Variants in FAP observed in about 807,000 individuals in gnomAD.
FAP encodes prolyl endopeptidase FAP.
FAP carries 110 observed loss-of-function variants against 126.5 expected under a neutral mutation model. The observed-to-expected ratio is 0.87, with a 90% CI of 0.74 to 1.02. The LOEUF (loss-of-function observed/expected upper bound fraction) is 1.02, where lower values mean the gene tolerates loss of function less well. Among genes scored for constraint, FAP ranks in the 50% least tolerant of loss-of-function variants. The pLI, the probability that FAP is intolerant of heterozygous loss-of-function variation, is 0.00. For synonymous variants in FAP, 334 were observed against 297.3 expected (o/e 1.12, Z -1.27); for missense variants, 919 against 909.2 (o/e 1.01, Z -0.14).
intron 2 of FAP, among the ~76,000 whole-genome samples, chr2:162,226,987 G>A (rs1559791911): frequency 6.6e-6 from 1 of 152,140 alleles, no homozygotes; most frequent in Non-Finnish European, 1.5e-5. Context: ...AACAACTCTA[G>A]TCCTTGCAGA....
In FAP at chr2:162,188,176, C is replaced by T; in HGVS notation, c.1807G>A (p.Ala603Thr). ...GAATGAGAAGGTGCTCACCTGACAGCTGTAATCTGGTCTTCAACTTCATAA... is the reference window on the plus strand; with the variant it reads ...GAATGAGAAGGTGCTCACCTGACAGTTGTAATCTGGTCTTCAACTTCATAA... ...GVYEVEDQITAVRKFIEMGFI... is the reference protein window; with the variant it reads ...GVYEVEDQITTVRKFIEMGFI... Residue 603 changes from alanine (A) to threonine (T), a missense_variant, in exon 20 of 26, where the codon GCT becomes ACT. By Grantham distance (58) the Ala-to-Thr change is moderately conservative. Coordinates refer to ENST00000188790, the MANE Select transcript of FAP (RefSeq NM_004460.5). The T allele has an allele frequency of 6.2e-7, 1 of 1,612,574 alleles. No individual in the cohort carries two copies. Among genetic ancestry groups the T allele is most frequent in the Non-Finnish European group, 8.5e-7 (1 of 1,178,936 alleles).
At chr2:162,210,638 A>G (rs1688894288) in intron 11 of FAP, among the ~76,000 whole-genome samples, 1 of 152,166 alleles carries the variant, frequency 6.6e-6, no homozygotes, top group African/African-American at 2.4e-5. Context: ...GAGAAACTTT[A>G]TGGCACCCTA....
chr2:162,242,661 C>T (rs987271133), intron 2 of FAP, among the ~76,000 whole-genome samples: 1 of 152,066 alleles, frequency 6.6e-6, no homozygotes, highest in Non-Finnish European at 1.5e-5. Flanking sequence ...GGGGGTGATG[C>T]AGCATAGTTC....
At chr2:162,237,482 T>C (rs1400548443) in intron 2 of FAP, among the ~76,000 whole-genome samples, 1 of 152,200 alleles carries the variant, frequency 6.6e-6, no homozygotes, top group Non-Finnish European at 1.5e-5. Flanking sequence ...CGGTTTTCTG[T>C]TTCTGTGTTA....
intron 14 of FAP, among the ~76,000 whole-genome samples, chr2:162,202,606 C>A (rs756724049): frequency 6.6e-6 from 1 of 152,104 alleles, no homozygotes; most frequent in East Asian, 1.9e-4. Context: ...GCCTTTAGAA[C>A]GAGTTATTAT....
At chr2:162,234,902 G>A (rs768403953) in intron 2 of FAP, among the ~76,000 whole-genome samples, 3 of 152,130 alleles carry the variant, frequency 2.0e-5, no homozygotes, top group African/African-American at 4.8e-5. Flanking sequence ...CACGCTTGCC[G>A]GCCAGCTAGA....
chr2:162,196,028 C>A (rs543798881), intron 16 of FAP, among the ~76,000 whole-genome samples: 1 of 152,298 alleles, frequency 6.6e-6, no homozygotes, highest in Non-Finnish European at 1.5e-5. Context: ...TTTCTGCCTG[C>A]AGAGAACATG....
chr2:162,205,760 G>A (rs771842059), intron 12 of FAP, among the ~76,000 whole-genome samples: 9 of 152,064 alleles, frequency 5.9e-5, no homozygotes, highest in East Asian at 1.9e-4. Context: ...TGATCCACCC[G>A]CCTTGGCCTC....
intron 16 of FAP, among the ~76,000 whole-genome samples, chr2:162,195,521 G>A (rs1002506764): frequency 1.3e-5 from 2 of 151,722 alleles, no homozygotes; most frequent in South Asian, 2.1e-4. Context: ...CTCCCGGGTT[G>A]GGGGGAGGTA....
At chr2:162,195,797 G>T (rs752403029) in intron 16 of FAP, among the ~76,000 whole-genome samples, 7 of 152,100 alleles carry the variant, frequency 4.6e-5, no homozygotes, top group Admixed American at 6.6e-5. Context: ...GCATAAATTT[G>T]CTCAGTCAGT....
chr2:162,215,728 G>C (rs548955016), intron 10 of FAP, among the ~76,000 whole-genome samples, 170 bp downstream of exon 10: 4 of 152,054 alleles, frequency 2.6e-5, no homozygotes, highest in Non-Finnish European at 5.9e-5. Flanking sequence ...TGTGTAAAAG[G>C]GCTAATTTTG....
At chr2:162,172,634 C>T (rs1366051752) in intron 25 of FAP, 177 bp downstream of exon 25, 10 of 560,966 alleles carry the variant, frequency 1.8e-5, no homozygotes, top group Admixed American at 3.0e-5. Flanking sequence ...TGGTTTGCCT[C>T]GGGTCCTTCA....
intron 9 of FAP, among the ~76,000 whole-genome samples, chr2:162,216,718 T>C (rs1023370115): frequency 1.3e-5 from 2 of 152,178 alleles, no homozygotes; most frequent in Non-Finnish European, 2.9e-5. Flanking sequence ...ATTCATGAAA[T>C]GTAGGTGCAC....
At chr2:162,197,423 G>A (rs948291887) in intron 16 of FAP, 5 of 389,302 alleles carry the variant, frequency 1.3e-5, no homozygotes, top group African/African-American at 8.3e-5. Context: ...GTTGAAAAAT[G>A]TTGCATATAA....
At chr2:162,239,770 T>C (rs899578332) in intron 2 of FAP, among the ~76,000 whole-genome samples, 7 of 152,352 alleles carry the variant, frequency 4.6e-5, no homozygotes, top group Admixed American at 2.0e-4. Flanking sequence ...TGGGGCACTC[T>C]ATACTCAAAA....
At chr2:162,241,580 G>A (rs1690348191) in intron 2 of FAP, among the ~76,000 whole-genome samples, 1 of 152,094 alleles carries the variant, frequency 6.6e-6, no homozygotes, top group African/African-American at 2.4e-5. Context: ...TCAATTTCAA[G>A]GTTGAGTTTC....
In FAP at chr2:162,173,225, G is replaced by C; in HGVS notation, c.2035-4C>G. On this transcript the variant is annotated splice_region_variant and splice_polypyrimidine_tract_variant and intron_variant, in intron 23 of 25. Coordinates refer to ENST00000188790, the MANE Select transcript of FAP (RefSeq NM_004460.5). ...CTCTTGCCATCACAGTTGAATTCTG[G>C]AAAAGAGAAAAAAATTAACATTTTA... 1.9e-6 allele frequency: 3 copies of C among 1,610,584 alleles called. No homozygotes were observed. Among genetic ancestry groups the C allele is most frequent in the Non-Finnish European group, 2.5e-6 (3 of 1,177,252 alleles).
Position 162,203,027 on chromosome 2 carries a change from T to C in FAP, c.1152+14A>G. On this transcript the variant is annotated intron_variant, in intron 13 of 25. Coordinates refer to ENST00000188790, the MANE Select transcript of FAP (RefSeq NM_004460.5). The stretch of plus-strand genomic sequence containing the variant: ...GAATGATCTTTGAGGAGATAAATCT[T>C]GGAAGGAACGTACCACAGTGTCTTT... The C allele has an allele frequency of 6.2e-7, 1 of 1,604,896 alleles. No individual in the cohort carries two copies. Among genetic ancestry groups the C allele is most frequent in the Non-Finnish European group, 8.5e-7 (1 of 1,171,658 alleles).
intron 17 of FAP, 149 bp from the exon 18 acceptor site, chr2:162,189,903 T>A: frequency 3.4e-6 from 2 of 580,948 alleles, no homozygotes; most frequent in Non-Finnish European, 6.1e-6. Context: ...AATGTATTTA[T>A]AATCCAGCCT....
Sources: gnomAD v4.1 joint callset for allele counts (sites outside exome capture counted in the v4.1 genomes callset) on GRCh38, gnomAD v4.1.1 for gene constraint, MANE v1.5 for transcripts, NCBI Gene and HGNC (gene_info 2026-07-23, HGNC 2026-07-21) for gene names.